PTPRM: variants seen among roughly 807,000 people sequenced by gnomAD.
The protein encoded by PTPRM is receptor-type tyrosine-protein phosphatase mu.
PTPRM carries 47 observed loss-of-function variants against 186.7 expected under a neutral mutation model. The ratio of observed to expected loss-of-function variants is 0.25; its 90% CI spans 0.20 to 0.32. The LOEUF (loss-of-function observed/expected upper bound fraction) is 0.32, where lower values mean the gene tolerates loss of function less well. PTPRM is among the 10% of genes least tolerant of loss of function. The pLI is 1.00. For missense variants in PTPRM, 1,494 were observed against 1,865.0 expected (o/e 0.80, Z 3.66); for synonymous variants, 668 against 674.9 (o/e 0.99, Z 0.16).
chr18:8,373,884 CG>C (rs1443838770), intron 24 of PTPRM, among the ~76,000 whole-genome samples: 2 of 141,730 alleles, frequency 1.4e-5, no homozygotes, highest in African/African-American at 5.3e-5. Context: ...GACCCTGTCT[CG>C]GAAAAAAAAA....
intron 1 of PTPRM, among the ~76,000 whole-genome samples, chr18:7,689,194 A>G (rs1235886130): frequency 2.0e-5 from 3 of 152,204 alleles, no homozygotes; most frequent in Non-Finnish European, 4.4e-5. Flanking sequence ...ATCCTGGTTG[A>G]CGAGATTTTA....
At chr18:8,270,970 G>A (rs1456869331) in intron 19 of PTPRM, among the ~76,000 whole-genome samples, 1 of 152,074 alleles carries the variant, frequency 6.6e-6, no homozygotes, top group African/African-American at 2.4e-5. Context: ...TTACATACTT[G>A]AAATTTGCTG....
chr18:7,774,117 TTTACA>T lies in PTPRM; in HGVS notation c.74-27_74-23del, dbSNP rs771236861. 3.7e-5 allele frequency: 58 copies of T among 1,587,800 alleles called. 2 individuals are homozygous for T. In the South Asian group the frequency reaches 6.5e-4, roughly 18 times the overall value. On this transcript the variant is annotated intron_variant, in intron 1 of 32. Coordinates refer to ENST00000580170, the MANE Select transcript of PTPRM (RefSeq NM_001105244.2). ...GCTTATTCTAGAGGTCTGGTTGGTA[TTTACA>T]TTACTTTTTATTCTTTTACATTTTA...
chr18:8,178,449 A>G (rs2146545647), intron 14 of PTPRM, among the ~76,000 whole-genome samples: 1 of 152,320 alleles, frequency 6.6e-6, no homozygotes, highest in South Asian at 2.1e-4. Flanking sequence ...TGCATAAATC[A>G]CAGCAAGAAT....
At chr18:7,891,155 G>A (rs781604930) in intron 3 of PTPRM, among the ~76,000 whole-genome samples, 21 of 151,792 alleles carry the variant, frequency 1.4e-4, no homozygotes, top group African/African-American at 2.4e-4. Flanking sequence ...ACATGGTGGC[G>A]TGTGCCTGTA....
chr18:8,172,046 A>T (rs2093408972), intron 14 of PTPRM, among the ~76,000 whole-genome samples: 1 of 152,200 alleles, frequency 6.6e-6, no homozygotes, highest in African/African-American at 2.4e-5. Context: ...GTAAAGTCGG[A>T]AAATCATAAG....
At chr18:8,144,472 A>C (rs1395934508) in intron 14 of PTPRM, among the ~76,000 whole-genome samples, 1 of 152,080 alleles carries the variant, frequency 6.6e-6, no homozygotes, top group East Asian at 1.9e-4. Context: ...AAATACAAAA[A>C]TTTGTTGGGC....
chr18:8,139,227 C>T (rs2092707692), intron 13 of PTPRM, among the ~76,000 whole-genome samples: 1 of 152,206 alleles, frequency 6.6e-6, no homozygotes, highest in South Asian at 2.1e-4. Context: ...TTAGTAGCAG[C>T]TGTGTCTGTC....
At chr18:8,310,856 A>G (rs182513648) in intron 20 of PTPRM, among the ~76,000 whole-genome samples, 15 of 152,346 alleles carry the variant, frequency 9.8e-5, no homozygotes, top group African/African-American at 3.4e-4. Flanking sequence ...AAGTCACTGA[A>G]TAAATGAGAA....
At chr18:8,204,376 C>G (rs564174335) in intron 14 of PTPRM, among the ~76,000 whole-genome samples, 4 of 151,930 alleles carry the variant, frequency 2.6e-5, no homozygotes, top group Non-Finnish European at 5.9e-5. Context: ...GGCTTGTTTT[C>G]TTTTTAAATC....
chr18:7,601,103 C>T (rs1048610852), intron 1 of PTPRM, among the ~76,000 whole-genome samples: 2 of 152,194 alleles, frequency 1.3e-5, no homozygotes, highest in Non-Finnish European at 2.9e-5. Context: ...TTTCCTAGGA[C>T]AGAAGGATTG....
At chr18:8,238,840 A>G (rs924713419) in intron 14 of PTPRM, among the ~76,000 whole-genome samples, 5 of 151,348 alleles carry the variant, frequency 3.3e-5, no homozygotes, top group African/African-American at 4.9e-5. Flanking sequence ...GGACTTCACA[A>G]ATACTTCTCA....
At chr18:7,955,477 G>C (rs936040141) in intron 7 of PTPRM, 63 bp downstream of exon 7, 32 of 1,542,442 alleles carry the variant, frequency 2.1e-5, no homozygotes, top group Non-Finnish European at 2.5e-5. Flanking sequence ...TGGCAGCACT[G>C]GGGTTGATCA....
At chr18:8,186,199 A>G (rs111450300) in intron 14 of PTPRM, among the ~76,000 whole-genome samples, 96 of 151,908 alleles carry the variant, frequency 6.3e-4, no homozygotes, top group African/African-American at 2.2e-3. Context: ...GGTGGCGGGC[A>G]CCTGTAGTCC....
chr18:8,176,698 C>T (rs928192607), intron 14 of PTPRM, among the ~76,000 whole-genome samples: 5 of 152,282 alleles, frequency 3.3e-5, no homozygotes, highest in East Asian at 1.9e-4. Context: ...TAACTGCAGG[C>T]GCACCCGGTT....
intron 14 of PTPRM, among the ~76,000 whole-genome samples, chr18:8,220,420 A>G (rs1367276709): frequency 6.6e-6 from 1 of 152,158 alleles, no homozygotes; most frequent in Non-Finnish European, 1.5e-5. Context: ...ACACATACAC[A>G]CACATATATC....
chr18:7,713,100 A>G (rs1354480819), intron 1 of PTPRM, among the ~76,000 whole-genome samples: 1 of 152,202 alleles, frequency 6.6e-6, no homozygotes, highest in Non-Finnish European at 1.5e-5. Context: ...GAAGGATAAA[A>G]TGTTAAGGGA....
intron 1 of PTPRM, among the ~76,000 whole-genome samples, chr18:7,725,163 T>C (rs2040521393): frequency 6.6e-6 from 1 of 152,214 alleles, no homozygotes; most frequent in Admixed American, 6.5e-5. Flanking sequence ...AATCTCATTT[T>C]CTCATTCTTC....
chr18:7,680,240 A>G (rs2039449503), intron 1 of PTPRM, among the ~76,000 whole-genome samples: 1 of 152,158 alleles, frequency 6.6e-6, no homozygotes, highest in Non-Finnish European at 1.5e-5. Flanking sequence ...TTCAAATGTG[A>G]AGGGATGAAA....
Sources: allele counts gnomAD v4.1 joint callset (sites outside exome capture counted in the v4.1 genomes callset), GRCh38; gene constraint gnomAD v4.1.1; transcripts MANE v1.5; gene names NCBI Gene and HGNC (gene_info 2026-07-23, HGNC 2026-07-21).